PPP6R3: variants seen among roughly 807,000 people sequenced by gnomAD.
PPP6R3 encodes the protein serine/threonine-protein phosphatase 6 regulatory subunit 3.
PPP6R3 carries 38 observed loss-of-function variants against 110.7 expected under a neutral mutation model. That is an observed-to-expected ratio of 0.34 (90% CI 0.26 to 0.45). The LOEUF (loss-of-function observed/expected upper bound fraction) is 0.45, where lower values mean the gene tolerates loss of function less well. Among genes scored for constraint, PPP6R3 ranks in the 20% least tolerant of loss-of-function variants. PPP6R3 has a pLI of 1.00. For missense variants in PPP6R3, 870 were observed against 1,062.4 expected (o/e 0.82, Z 2.52); for synonymous variants, 369 against 373.5 (o/e 0.99, Z 0.14).
chr11:68,607,725 ATCTG>A (rs1177901016), intron 22 of PPP6R3, among the ~76,000 whole-genome samples: 1 of 151,760 alleles, frequency 6.6e-6, no homozygotes, highest in East Asian at 1.9e-4. Flanking sequence ...CTATCTATCT[ATCTG>A]TCTGTCTGCC....
intron 1 of PPP6R3, among the ~76,000 whole-genome samples, chr11:68,489,100 G>C (rs2098967173): frequency 6.8e-6 from 1 of 147,278 alleles, no homozygotes; most frequent in Non-Finnish European, 1.5e-5. Context: ...CTCACTACAA[G>C]CTCTGCCTCC....
chr11:68,529,899 G>A (rs1038979447), intron 2 of PPP6R3, among the ~76,000 whole-genome samples: 4 of 152,140 alleles, frequency 2.6e-5, no homozygotes, highest in East Asian at 1.9e-4. Flanking sequence ...ATTTCAGTGC[G>A]GAGAGAGACT....
chr11:68,538,192 A>T (rs1051177722), intron 3 of PPP6R3, among the ~76,000 whole-genome samples: 4 of 152,246 alleles, frequency 2.6e-5, no homozygotes, highest in Non-Finnish European at 5.9e-5. Context: ...TTACTTTGCA[A>T]ATAGGAAGAT....
At chr11:68,523,865 T>C (rs1263221210) in intron 2 of PPP6R3, among the ~76,000 whole-genome samples, 1 of 152,078 alleles carries the variant, frequency 6.6e-6, no homozygotes. Flanking sequence ...TGTAGTTTCC[T>C]TTTTTCTCCT....
chr11:68,573,114 T>TTATATATATTTATA (rs2099514602), intron 12 of PPP6R3, among the ~76,000 whole-genome samples: 1 of 61,796 alleles, frequency 1.6e-5, no homozygotes, highest in Non-Finnish European at 2.7e-5. Context: ...TTTACTTATT[T>TTATATATATTTATA]TATATATATA....
intron 6 of PPP6R3, among the ~76,000 whole-genome samples, chr11:68,552,616 G>A (rs2099385541): frequency 6.6e-6 from 1 of 152,206 alleles, no homozygotes; most frequent in Non-Finnish European, 1.5e-5. Context: ...CCTCCTGTGG[G>A]CAGGGGAGTG....
intron 18 of PPP6R3, among the ~76,000 whole-genome samples, chr11:68,592,387 G>T (rs940315741): frequency 2.0e-5 from 3 of 152,024 alleles, no homozygotes; most frequent in Non-Finnish European, 4.4e-5. Context: ...TTTTCACGTG[G>T]CCTAGAATTC....
intron 15 of PPP6R3, among the ~76,000 whole-genome samples, chr11:68,584,397 A>G: frequency 6.6e-6 from 1 of 152,208 alleles, no homozygotes. Context: ...GAGTACTGAA[A>G]TAGTCCACCC....
intron 14 of PPP6R3, among the ~76,000 whole-genome samples, chr11:68,581,524 C>A (rs553672257): frequency 2.6e-5 from 4 of 152,360 alleles, no homozygotes; most frequent in African/African-American, 9.6e-5. Flanking sequence ...TGGGGTTACA[C>A]CCCTAAAACA....
intron 7 of PPP6R3, among the ~76,000 whole-genome samples, chr11:68,555,760 A>T (rs956273544): frequency 6.6e-6 from 1 of 152,274 alleles, no homozygotes; most frequent in African/African-American, 2.4e-5. Context: ...TAGAATTTAC[A>T]TCATTAAATT....
At chr11:68,528,438 G>C (rs563742602) in intron 2 of PPP6R3, among the ~76,000 whole-genome samples, 91 of 146,092 alleles carry the variant, frequency 6.2e-4, no homozygotes, top group African/African-American at 2.2e-3. Context: ...GTGTGTGGGG[G>C]GGGGGGCTGC....
At chr11:68,562,659 G>C (rs2099429476) in intron 8 of PPP6R3, among the ~76,000 whole-genome samples, 1 of 152,196 alleles carries the variant, frequency 6.6e-6, no homozygotes, top group Non-Finnish European at 1.5e-5. Context: ...GTTCAGCGGA[G>C]AAAGGACAGC....
At chr11:68,473,418 G>C (rs1264123447) in intron 1 of PPP6R3, among the ~76,000 whole-genome samples, 1 of 152,238 alleles carries the variant, frequency 6.6e-6, no homozygotes, top group African/African-American at 2.4e-5. Context: ...ACCTTGCCAT[G>C]CGTATCTCTC....
chr11:68,591,816 G>T, intron 18 of PPP6R3, 110 bp downstream of exon 18: 6 of 1,318,976 alleles, frequency 4.5e-6, no homozygotes, highest in Non-Finnish European at 6.0e-6. Context: ...CCAGAAACCA[G>T]TGTTTTTTTT....
At chr11:68,556,088 A>T (rs1465217216) in intron 7 of PPP6R3, among the ~76,000 whole-genome samples, 1 of 152,068 alleles carries the variant, frequency 6.6e-6, no homozygotes, top group East Asian at 1.9e-4. Context: ...TTTAATAATG[A>T]TGATATTACA....
chr11:68,591,524 T>TA, intron 17 of PPP6R3, 52 bp from the exon 18 acceptor site: 3 of 1,497,592 alleles, frequency 2.0e-6, no homozygotes, highest in Non-Finnish European at 1.8e-6. Flanking sequence ...TAAGAGAAGA[T>TA]AACTTGACTT....
In PPP6R3 at chr11:68,576,052, T is replaced by C; in HGVS notation, c.1545+9T>C. 6.4e-7 allele frequency: 1 copy of C among 1,571,840 alleles called. No individual in the cohort carries two copies. The highest frequency in any genetic ancestry group is 2.3e-5 in the East Asian group (1 of 44,360). On this transcript the variant is annotated intron_variant, in intron 14 of 23. Transcript: ENST00000393800. ...GGAACACGGTAGATCTAGTAGGTTT[T>C]ACAAGGTTACATTTTTATTCTTTCA...
intron 5 of PPP6R3, among the ~76,000 whole-genome samples, chr11:68,549,103 C>T (rs1232088370): frequency 2.0e-5 from 3 of 152,142 alleles, no homozygotes; most frequent in African/African-American, 7.2e-5. Context: ...GTTGGCCAGG[C>T]TGGTCTCGAA....
At chr11:68,604,966 A>G (rs979466597) in intron 22 of PPP6R3, among the ~76,000 whole-genome samples, 1 of 152,232 alleles carries the variant, frequency 6.6e-6, no homozygotes, top group African/African-American at 2.4e-5. Context: ...TGTAATAGTC[A>G]TAAGACCAAA....
Sources: gnomAD v4.1 joint callset for allele counts (sites outside exome capture counted in the v4.1 genomes callset) on GRCh38, gnomAD v4.1.1 for gene constraint, MANE v1.5 for transcripts, NCBI Gene and HGNC (gene_info 2026-07-23, HGNC 2026-07-21) for gene names.